Variants in MANBA observed in about 807,000 individuals in gnomAD.
The protein encoded by MANBA is beta-mannosidase.
A neutral mutation model predicts 111.1 loss-of-function variants in MANBA; 83 were observed. The observed-to-expected ratio is 0.75, with a 90% confidence interval of 0.63 to 0.90. MANBA has a LOEUF of 0.90. MANBA is among the 40% of genes least tolerant of loss of function. The probability of loss-of-function intolerance (pLI) is 0.00; values close to 1 mark genes in which losing one functional copy is unlikely to be tolerated. For missense variants in MANBA, 1,036 were observed against 1,069.0 expected, an observed-to-expected ratio of 0.97 and a Z score of 0.43; for synonymous variants, 370 against 378.7, an observed-to-expected ratio of 0.98 and a Z score of 0.27.
At chr4:102,676,806 G>A (rs982414222) in intron 7 of MANBA, among the ~76,000 whole-genome samples, 2 of 152,116 alleles carry the variant, frequency 1.3e-5, no homozygotes, top group Non-Finnish European at 2.9e-5. Flanking sequence ...TTGCACTGAC[G>A]TTACAAAAGC....
Position 102,639,754 on chromosome 4 carries a change from T to C in MANBA, c.1973A>G (p.Gln658Arg). The C allele has an allele frequency of 2.5e-6, 4 of 1,614,152 alleles. No individual in the cohort carries two copies. The highest frequency in any genetic ancestry group is 3.4e-6 in the Non-Finnish European group (4 of 1,180,014). Reference sequence around the variant, plus strand: ...AGGAGCTTGCCAGATGTCATTCAACTGCCAATAAAGTGCCCCCATCGTGTG... The same window carrying C: ...AGGAGCTTGCCAGATGTCATTCAACCGCCAATAAAGTGCCCCCATCGTGTG... Reference protein sequence around the residue: ...QGHTMGALYWQLNDIWQAPSW... With the variant: ...QGHTMGALYWRLNDIWQAPSW... Residue 658 changes from glutamine to arginine, a missense_variant, in exon 14 of 17, where the codon CAG becomes CGG. Transcript: ENST00000647097.
Position 102,653,167 on chromosome 4 carries a change from A to G in MANBA, c.1705-2466T>C, listed in dbSNP as rs568126279. On this transcript the variant is annotated intron_variant, in intron 12 of 16. Transcript: ENST00000647097. ...GGTAGAGTGCTGAGTGCTTCAATGT[A>G]TTAGTTAACTTAATCTTTACTCATA... 2.6e-5 allele frequency among the ~76,000 whole-genome samples: 4 copies of G among 151,614 alleles called. No homozygotes were observed. In the East Asian group the frequency reaches 7.8e-4, roughly 30 times the overall value.
intron 1 of MANBA, among the ~76,000 whole-genome samples, chr4:102,752,808 A>C (rs1449635027): frequency 2.0e-5 from 3 of 152,190 alleles, no homozygotes; most frequent in Admixed American, 6.5e-5. Flanking sequence ...TTTTGTATTT[A>C]TAATAGTTTG....
chr4:102,754,610 GCA>G (rs889477887), intron 1 of MANBA, among the ~76,000 whole-genome samples: 7 of 151,734 alleles, frequency 4.6e-5, no homozygotes, highest in African/African-American at 1.7e-4. Context: ...AGGCTGGAGT[GCA>G]GTGGCGTGAT....
intron 7 of MANBA, among the ~76,000 whole-genome samples, chr4:102,683,575 T>C (rs1193597736): frequency 2.0e-5 from 3 of 152,212 alleles, no homozygotes; most frequent in Non-Finnish European, 4.4e-5. Context: ...AATCAATTAG[T>C]AGGATAAAAA....
intron 11 of MANBA, chr4:102,662,612 G>A (rs114013817): frequency 0.011 from 1,680 of 153,672 alleles, 23 homozygotes; most frequent in African/African-American, 0.039. Flanking sequence ...TCACTACAAC[G>A]ATGACACGCA....
At chr4:102,734,360 G>A (rs989988564) in intron 1 of MANBA, 6 of 1,608,362 alleles carry the variant, frequency 3.7e-6, no homozygotes, top group Non-Finnish European at 5.1e-6. Flanking sequence ...CTTGGGCCAT[G>A]GCCTCTGACC....
intron 5 of MANBA, among the ~76,000 whole-genome samples, chr4:102,699,393 T>A (rs1261867947): frequency 6.6e-6 from 1 of 152,024 alleles, no homozygotes; most frequent in Non-Finnish European, 1.5e-5. Context: ...TCCAACACTA[T>A]GTTGAATAGG....
intron 4 of MANBA, among the ~76,000 whole-genome samples, chr4:102,718,316 T>C (rs938644688): frequency 1.4e-4 from 22 of 152,106 alleles, no homozygotes; most frequent in African/African-American, 5.1e-4. Context: ...AGCATCTGAA[T>C]GTAAGGTCTG....
rs771465504 is a variant in MANBA, at chr4:102,635,027, T to TC, written c.2175dup (p.Ser726GlufsTer12). The TC allele has an allele frequency of 1.3e-5, 21 of 1,613,976 alleles. No homozygotes were observed. Among genetic ancestry groups the TC allele is most frequent in the Non-Finnish European group, 1.7e-5 (20 of 1,179,970 alleles). On this transcript the variant is annotated frameshift_variant, in exon 16 of 17. Transcript: ENST00000647097. LOFTEE classifies it high-confidence loss of function. The stretch of plus-strand genomic sequence containing the variant: ...CGAGAGCACACGGGCTCCAGGGAGC[T>TC]CCATGTATGGACTCTCACCTGGGGA...
chr4:102,689,361 TA>T (rs1207017786), intron 7 of MANBA, among the ~76,000 whole-genome samples: 2 of 75,406 alleles, frequency 2.7e-5, no homozygotes, highest in Non-Finnish European at 5.9e-5. Context: ...AAAAAAAAAA[TA>T]TATATATATA....
At chr4:102,703,359 G>T (rs1207909647) in intron 5 of MANBA, among the ~76,000 whole-genome samples, 1 of 152,176 alleles carries the variant, frequency 6.6e-6, no homozygotes, top group Non-Finnish European at 1.5e-5. Flanking sequence ...CTGGCAGTAG[G>T]CTGAACTAAC....
chr4:102,701,247 G>T (rs1733025223), intron 5 of MANBA, among the ~76,000 whole-genome samples: 1 of 151,694 alleles, frequency 6.6e-6, no homozygotes, highest in Non-Finnish European at 1.5e-5. Flanking sequence ...TTGAGCCTAT[G>T]TGTGTCTCTG....
At chr4:102,692,717 T>C (rs1437207222) in intron 5 of MANBA, among the ~76,000 whole-genome samples, 1 of 152,102 alleles carries the variant, frequency 6.6e-6, no homozygotes, top group Non-Finnish European at 1.5e-5. Flanking sequence ...CTATGATTCG[T>C]GGCAAAGTAT....
intron 13 of MANBA, among the ~76,000 whole-genome samples, chr4:102,646,916 A>G (rs970817713): frequency 6.6e-6 from 1 of 152,078 alleles, no homozygotes; most frequent in Non-Finnish European, 1.5e-5. Flanking sequence ...TTTACTGGAC[A>G]GTTTTCTCAG....
At chr4:102,653,579 C>T (rs1033560906) in intron 12 of MANBA, among the ~76,000 whole-genome samples, 1 of 151,988 alleles carries the variant, frequency 6.6e-6, no homozygotes, top group African/African-American at 2.4e-5. Flanking sequence ...ATTTTATTTT[C>T]CCAATCACCT....
intron 1 of MANBA, among the ~76,000 whole-genome samples, chr4:102,745,442 G>A (rs954732464): frequency 2.0e-5 from 3 of 152,096 alleles, no homozygotes; most frequent in African/African-American, 4.8e-5. Flanking sequence ...TGCAGTTGCC[G>A]CCATCACAAA....
intron 5 of MANBA, among the ~76,000 whole-genome samples, chr4:102,700,565 T>C (rs1401454753): frequency 6.6e-6 from 1 of 152,160 alleles, no homozygotes; most frequent in Non-Finnish European, 1.5e-5. Context: ...TGTGTCTTTG[T>C]TCTCGTTGGT....
At chr4:102,678,558 G>A (rs1253990538) in intron 7 of MANBA, among the ~76,000 whole-genome samples, 2 of 152,008 alleles carry the variant, frequency 1.3e-5, no homozygotes, top group Non-Finnish European at 2.9e-5. Context: ...CTAACAGTAG[G>A]AAAAAGGTAT....
Sources: gnomAD v4.1 joint callset for allele counts (sites outside exome capture counted in the v4.1 genomes callset) on GRCh38, gnomAD v4.1.1 for gene constraint, MANE v1.5 for transcripts, NCBI Gene and HGNC (gene_info 2026-07-23, HGNC 2026-07-21) for gene names.